ASIC2: variants seen among roughly 807,000 people sequenced by gnomAD.
The protein encoded by ASIC2 is acid sensing ion channel subunit 2.
ASIC2 carries 25 observed loss-of-function variants against 57.3 expected under a neutral mutation model. The ratio of observed to expected loss-of-function variants is 0.44; its 90% CI spans 0.32 to 0.61. The LOEUF (loss-of-function observed/expected upper bound fraction) is 0.61. Among genes scored for constraint, ASIC2 ranks in the 20% least tolerant of loss-of-function variants. The pLI, the probability that ASIC2 is intolerant of heterozygous loss-of-function variation, is 0.06. For synonymous variants in ASIC2, 319 were observed against 307.5 expected, an observed-to-expected ratio of 1.04 and a Z score of -0.39; for missense variants, 641 against 738.1, an observed-to-expected ratio of 0.87 and a Z score of 1.52.
chr17:33,906,915 C>A (rs1373932268), intron 1 of ASIC2, among the ~76,000 whole-genome samples: 1 of 152,192 alleles, frequency 6.6e-6, no homozygotes, highest in East Asian at 1.9e-4. Context: ...CATGCCTAAG[C>A]TGGGACATCA....
chr17:33,767,934 A>G (rs1175587897), intron 1 of ASIC2, among the ~76,000 whole-genome samples: 1 of 152,212 alleles, frequency 6.6e-6, no homozygotes, highest in Non-Finnish European at 1.5e-5. Flanking sequence ...TAACATCTAC[A>G]TAAATTCTAA....
chr17:33,990,294 T>A (rs1905959689), intron 1 of ASIC2, among the ~76,000 whole-genome samples: 3 of 152,166 alleles, frequency 2.0e-5, no homozygotes, highest in Admixed American at 2.0e-4. Flanking sequence ...AGATACAGGG[T>A]TGCTTTAAAG....
In ASIC2 at chr17:33,588,676, C is replaced by T. The variant is rs567405723; in HGVS notation, c.556-476609G>A. Among the ~76,000 whole-genome samples, 13 of 152,234 alleles carry T rather than the reference C, an allele frequency of 8.5e-5. No homozygotes were observed. In the East Asian group the frequency reaches 1.2e-3, roughly 14 times the overall value. The stretch of plus-strand genomic sequence containing the variant: ...AGTGTGAGGAAAGAGGAGACAAGAT[C>T]GCATCACAGGCTCATTTCAGTCCAA... On this transcript the variant is annotated intron_variant, in intron 1 of 9. Coordinates refer to the ASIC2 transcript ENST00000359872.
intron 1 of ASIC2, among the ~76,000 whole-genome samples, chr17:34,044,213 G>C (rs990957564): frequency 2.6e-5 from 4 of 152,042 alleles, no homozygotes; most frequent in Admixed American, 6.6e-5. Context: ...TGTGTTGCCA[G>C]AGGATGCCCA....
At chr17:33,433,446 G>A (rs1387766215) in intron 1 of ASIC2, among the ~76,000 whole-genome samples, 2 of 152,200 alleles carry the variant, frequency 1.3e-5, no homozygotes, top group Admixed American at 6.5e-5. Context: ...AATAACCAGT[G>A]GGTATTAGGC....
chr17:33,577,637 A>T (rs1916670166), intron 1 of ASIC2, among the ~76,000 whole-genome samples: 1 of 152,158 alleles, frequency 6.6e-6, no homozygotes, highest in Non-Finnish European at 1.5e-5. Flanking sequence ...GGGTGCAGCA[A>T]ATGAACAACA....
At chr17:33,484,169 T>C (rs147656961) in intron 1 of ASIC2, among the ~76,000 whole-genome samples, 1 of 152,378 alleles carries the variant, frequency 6.6e-6, no homozygotes, top group Non-Finnish European at 1.5e-5. Flanking sequence ...ACAGAATACA[T>C]TTGTGTTGTT....
At chr17:33,571,311 C>T (rs1014580632) in intron 1 of ASIC2, among the ~76,000 whole-genome samples, 1 of 152,210 alleles carries the variant, frequency 6.6e-6, no homozygotes, top group Non-Finnish European at 1.5e-5. Flanking sequence ...GCAGTTATTA[C>T]TACCTAAACT....
chr17:33,707,297 T>A (rs1041884156), intron 1 of ASIC2, among the ~76,000 whole-genome samples: 3 of 152,176 alleles, frequency 2.0e-5, no homozygotes, highest in African/African-American at 7.2e-5. Flanking sequence ...AATTTTCTCA[T>A]TCTAGCTCTT....
upstream of ASIC2, among the ~76,000 whole-genome samples, chr17:33,297,233 G>C (rs1284612617): frequency 6.6e-6 from 1 of 152,210 alleles, no homozygotes; most frequent in African/African-American, 2.4e-5. Context: ...TTCTCCTGTA[G>C]TTTTTGCTCT....
intron 1 of ASIC2, among the ~76,000 whole-genome samples, chr17:33,579,680 G>C (rs1043108272): frequency 2.0e-5 from 3 of 152,194 alleles, no homozygotes; most frequent in East Asian, 1.9e-4. Flanking sequence ...CAGACTTCTA[G>C]AGTGAAGCTA....
chr17:33,175,468 T>C (rs910211582), intron 1 of ASIC2, among the ~76,000 whole-genome samples: 18 of 152,068 alleles, frequency 1.2e-4, no homozygotes, highest in Admixed American at 1.2e-3. Context: ...TTTATTGTTT[T>C]TTTTTTCCTG....
intron 1 of ASIC2, among the ~76,000 whole-genome samples, chr17:33,305,768 A>G (rs535117123): frequency 6.6e-6 from 1 of 152,362 alleles, no homozygotes; most frequent in South Asian, 2.1e-4. Context: ...ATTAAAAAAA[A>G]GTTGTGATGC....
intron 2 of ASIC2, among the ~76,000 whole-genome samples, chr17:33,093,402 C>T (rs1167714782): frequency 6.6e-6 from 1 of 151,644 alleles, no homozygotes; most frequent in Non-Finnish European, 1.5e-5. Context: ...GTTTACACAT[C>T]ATGAACACCA....
Position 33,494,746 on chromosome 17 carries a change from G to A in ASIC2, c.556-382679C>T, listed in dbSNP as rs149065828. Reference sequence around the variant, plus strand: ...GCAGGTAGCCCACACTGCCCACTTCGGAGCATTCTGAACTCCGCTTTCTTT... The same window carrying A: ...GCAGGTAGCCCACACTGCCCACTTCAGAGCATTCTGAACTCCGCTTTCTTT... On this transcript the variant is annotated intron_variant, in intron 1 of 9. Coordinates refer to the ASIC2 transcript ENST00000359872. 1.2e-4 allele frequency among the ~76,000 whole-genome samples: 19 copies of A among 152,288 alleles called. No individual in the cohort carries two copies. In the East Asian group the frequency reaches 2.1e-3, roughly 17 times the overall value.
chr17:34,025,035 C>T lies in ASIC2; in HGVS notation c.555+130943G>A, dbSNP rs149727033. Among the ~76,000 whole-genome samples, 483 of 152,300 alleles carry T rather than the reference C, an allele frequency of 3.2e-3. 15 individuals are homozygous for T. In the East Asian group the frequency reaches 0.049, roughly 15 times the overall value. ...TCTTGGAGGCCCCCAGTGGACAGCACTTTGTTGTCACTACAGAAGTCCCTG... is the reference window on the plus strand; with the variant it reads ...TCTTGGAGGCCCCCAGTGGACAGCATTTTGTTGTCACTACAGAAGTCCCTG... On this transcript the variant is annotated intron_variant, in intron 1 of 9. Transcript: ENST00000359872.
intron 1 of ASIC2, among the ~76,000 whole-genome samples, chr17:33,352,099 C>T (rs1367771763): frequency 6.6e-6 from 1 of 152,092 alleles, no homozygotes; most frequent in African/African-American, 2.4e-5. Flanking sequence ...GTTAGCACCT[C>T]CACTCCCACA....
At chr17:33,389,113 C>G (rs1392845206) in intron 1 of ASIC2, among the ~76,000 whole-genome samples, 1 of 152,238 alleles carries the variant, frequency 6.6e-6, no homozygotes, top group African/African-American at 2.4e-5. Flanking sequence ...GCACAAGCCA[C>G]CATGCCTGGC....
In ASIC2 at chr17:33,700,885, G is replaced by A. The variant is rs573422943; in HGVS notation, c.555+455093C>T. Among the ~76,000 whole-genome samples, 4 of 152,254 alleles carry A rather than the reference G, an allele frequency of 2.6e-5. No individual in the cohort carries two copies. The South Asian group carries it at 8.3e-4, about 32-fold the overall frequency. On this transcript the variant is annotated intron_variant, in intron 1 of 9. Transcript: ENST00000359872. ...TCCTGACTACTCCCCAAATGACCAT[G>A]AGAAAATCCATCGCTTTTGCAAGAA... is the stretch of plus-strand genomic sequence containing the variant.
Sources: gnomAD v4.1 joint callset for allele counts (sites outside exome capture counted in the v4.1 genomes callset) on GRCh38, gnomAD v4.1.1 for gene constraint, MANE v1.5 for transcripts, NCBI Gene and HGNC (gene_info 2026-07-23, HGNC 2026-07-21) for gene names.